The following KLHL1 variants were observed in gnomAD, a reference collection of about 807,000 sequenced individuals.
KLHL1 encodes kelch like family member 1, also known as kelch-like protein 1.
In KLHL1, 47 loss-of-function variants were observed where a neutral mutation model predicts 77.7. The ratio of observed to expected loss-of-function variants is 0.60; its 90% CI spans 0.48 to 0.77. The LOEUF (loss-of-function observed/expected upper bound fraction) is 0.77. Ranked by LOEUF, KLHL1 falls within the 30% of genes least tolerant of loss-of-function variation. The pLI, the probability that KLHL1 is intolerant of heterozygous loss-of-function variation, is 0.00. For missense variants in KLHL1, 925 were observed against 910.8 expected, an observed-to-expected ratio of 1.02 and a Z score of -0.20; for synonymous variants, 360 against 325.2, an observed-to-expected ratio of 1.11 and a Z score of -1.15.
intron 4 of KLHL1, among the ~76,000 whole-genome samples, chr13:69,893,226 A>AT (rs1175438919): frequency 0.018 from 2,577 of 142,434 alleles, 47 homozygotes; most frequent in East Asian, 0.033. Context: ...AGCTACATAA[A>AT]TTTTTTTTTT....
At chr13:69,963,342 G>C (rs558808906) in intron 2 of KLHL1, among the ~76,000 whole-genome samples, 27 of 152,134 alleles carry the variant, frequency 1.8e-4, no homozygotes, top group African/African-American at 6.5e-4. Context: ...TCTTTGTACA[G>C]TAATTATTTC....
chr13:69,854,148 T>C (rs918641045), intron 5 of KLHL1, among the ~76,000 whole-genome samples: 2 of 152,060 alleles, frequency 1.3e-5, no homozygotes, highest in African/African-American at 4.8e-5. Flanking sequence ...TCTTAGTCCA[T>C]TGTGTTGCTA....
At chr13:70,008,911 A>C (rs531782753) in intron 1 of KLHL1, among the ~76,000 whole-genome samples, 2 of 152,220 alleles carry the variant, frequency 1.3e-5, no homozygotes, top group Non-Finnish European at 2.9e-5. Flanking sequence ...ATATTATTAT[A>C]ATTCTTGTCA....
chr13:69,796,788 G>A lies in KLHL1; in HGVS notation c.1589C>T (p.Thr530Ile), dbSNP rs1220393563. 1.1e-5 allele frequency: 18 copies of A among 1,613,994 alleles called. No individual in the cohort carries two copies. The highest frequency in any genetic ancestry group is 8.8e-5 in the South Asian group (8 of 91,090). Residue 530 changes from threonine (T) to isoleucine (I), a missense_variant, in exon 7 of 11, where the codon ACC becomes ATC. Coordinates refer to ENST00000377844, the MANE Select transcript of KLHL1 (RefSeq NM_020866.3). ...TGGTGGTAAGACAGTCCATGTCTTG[G>A]TTTTGGGATTGTAACATTCAACAGT... ...LNTVECYNPK[T>I]KTWTVLPPMS...
intron 4 of KLHL1, among the ~76,000 whole-genome samples, chr13:69,920,793 T>C (rs1882606887): frequency 6.6e-6 from 1 of 152,106 alleles, no homozygotes; most frequent in Non-Finnish European, 1.5e-5. Flanking sequence ...TCAGCAAAAA[T>C]ATGTGTTTAC....
At position 69,952,475 on chromosome 13, in the gene KLHL1, T is replaced by C. The variant is rs781612007; in HGVS notation, c.817+8833A>G. On this transcript the variant is annotated intron_variant, in intron 3 of 10. Transcript: ENST00000377844. ...AAACATTCCTTTAGAGAAGAAAATA[T>C]GGGGTAGGACAGGTTCATCAGACTC... Among the ~76,000 whole-genome samples the C allele has an allele frequency of 4.6e-5, 7 of 151,464 alleles. No individual in the cohort carries two copies. In the East Asian group the frequency reaches 9.7e-4, roughly 21 times the overall value.
At chr13:69,824,149 GC>G in intron 6 of KLHL1, among the ~76,000 whole-genome samples, 1 of 151,884 alleles carries the variant, frequency 6.6e-6, no homozygotes, top group East Asian at 1.9e-4. Flanking sequence ...TTTTTCAAAA[GC>G]TTCCACATTA....
intron 6 of KLHL1, among the ~76,000 whole-genome samples, chr13:69,834,925 T>C (rs781179075): frequency 2.6e-5 from 4 of 152,138 alleles, no homozygotes; most frequent in Non-Finnish European, 5.9e-5. Context: ...ATTTACATTG[T>C]AATTAGAGAT....
At chr13:70,073,724 C>A (rs866759865) in intron 1 of KLHL1, among the ~76,000 whole-genome samples, 16 of 151,978 alleles carry the variant, frequency 1.1e-4, no homozygotes, top group African/African-American at 2.9e-4. Flanking sequence ...CTGCGGTGAG[C>A]CATGATCGTG....
At chr13:69,822,625 T>A (rs188415179) in intron 6 of KLHL1, among the ~76,000 whole-genome samples, 3 of 152,286 alleles carry the variant, frequency 2.0e-5, no homozygotes, top group Non-Finnish European at 2.9e-5. Flanking sequence ...ATAGCTCCAA[T>A]TGAGACACTT....
At chr13:69,902,029 A>G (rs1593933153) in intron 4 of KLHL1, among the ~76,000 whole-genome samples, 1 of 152,000 alleles carries the variant, frequency 6.6e-6, no homozygotes, top group Admixed American at 6.5e-5. Flanking sequence ...TGAACTCCCA[A>G]CCTCAGGTGA....
intron 1 of KLHL1, among the ~76,000 whole-genome samples, chr13:70,074,055 G>A (rs922591010): frequency 3.9e-5 from 6 of 151,930 alleles, no homozygotes; most frequent in Non-Finnish European, 7.4e-5. Context: ...TCAAACTCCC[G>A]ACCTCAGGTG....
rs778008399 is a variant in KLHL1 at position 69,701,479 on chromosome 13, G to T, written c.*223C>A. 6.6e-6 allele frequency: 3 copies of T among 454,154 alleles called. No homozygotes were observed. Among genetic ancestry groups the T allele is most frequent in the Non-Finnish European group, 1.2e-5 (3 of 253,886 alleles). 28.1% of individuals were successfully genotyped at this position (454,154 alleles called of 1,614,324 possible). On this transcript the variant is annotated 3_prime_UTR_variant, in exon 11 of 11. Transcript: ENST00000377844. ...AAACAAATTACCAATAACCATTCCC[G>T]AACTAACTAACATATGGCCAGACAT...
intron 3 of KLHL1, among the ~76,000 whole-genome samples, chr13:69,958,425 A>T (rs1319199101): frequency 6.6e-6 from 1 of 150,942 alleles, no homozygotes; most frequent in Non-Finnish European, 1.5e-5. Context: ...ACTATATAAA[A>T]TTCTATAAAA....
chr13:70,060,560 A>G (rs139734550), intron 1 of KLHL1, among the ~76,000 whole-genome samples: 1 of 151,504 alleles, frequency 6.6e-6, no homozygotes, highest in Non-Finnish European at 1.5e-5. Flanking sequence ...TGTGGTATAT[A>G]TAGGCCAGGT....
chr13:70,010,848 C>A (rs1025668736), intron 1 of KLHL1, among the ~76,000 whole-genome samples: 5 of 151,424 alleles, frequency 3.3e-5, no homozygotes. Context: ...GCCAAGATTG[C>A]GCCATTGCAC....
At chr13:69,838,511 CAATT>C (rs1593875888) in intron 6 of KLHL1, among the ~76,000 whole-genome samples, 1 of 151,724 alleles carries the variant, frequency 6.6e-6, no homozygotes, top group African/African-American at 2.4e-5. Context: ...TTAGTAAACA[CAATT>C]AAACTTATAA....
At chr13:69,962,259 GGTTT>G (rs1884089748) in intron 2 of KLHL1, among the ~76,000 whole-genome samples, 1 of 151,580 alleles carries the variant, frequency 6.6e-6, no homozygotes. Context: ...TATTTTTGTT[GGTTT>G]GTTTTTCTGT....
intron 1 of KLHL1, among the ~76,000 whole-genome samples, chr13:70,074,661 G>A (rs1457641403): frequency 6.6e-6 from 1 of 151,496 alleles, no homozygotes; most frequent in Non-Finnish European, 1.5e-5. Context: ...GATGTAGTAG[G>A]CAACATTTTC....
Sources: gnomAD v4.1 joint callset for allele counts (sites outside exome capture counted in the v4.1 genomes callset) on GRCh38, gnomAD v4.1.1 for gene constraint, MANE v1.5 for transcripts, NCBI Gene and HGNC (gene_info 2026-07-23, HGNC 2026-07-21) for gene names.